PVT1: variants seen among roughly 807,000 people sequenced by gnomAD.
The protein encoded by PVT1 is CXCR4/PVT1 fusion.
intron 2 of PVT1, among the ~76,000 whole-genome samples, chr8:127,833,010 C>G (rs577844814): frequency 6.6e-6 from 1 of 152,022 alleles, no homozygotes; most frequent in Non-Finnish European, 1.5e-5. Context: ...AAACAAGAAA[C>G]CTTTGAGAGG....
At chr8:127,925,635 G>GT (rs1351467823) in intron 3 of PVT1, among the ~76,000 whole-genome samples, 2 of 80,022 alleles carry the variant, frequency 2.5e-5, no homozygotes, top group African/African-American at 7.7e-5. Context: ...AATTTTAGAG[G>GT]TTTTTTGTTT....
chr8:128,018,514 A>G, intron 4 of PVT1, among the ~76,000 whole-genome samples: 1 of 152,254 alleles, frequency 6.6e-6, no homozygotes, highest in East Asian at 1.9e-4. Context: ...AAACAATCAC[A>G]GAGGAAAAGA....
chr8:127,945,956 A>C (rs1345021982), intron 3 of PVT1, among the ~76,000 whole-genome samples: 1 of 152,178 alleles, frequency 6.6e-6, no homozygotes, highest in East Asian at 1.9e-4. Context: ...GTAATAAAGG[A>C]CTAAAGCTAC....
chr8:127,973,181 C>T (rs1816782974), intron 3 of PVT1, among the ~76,000 whole-genome samples: 1 of 152,158 alleles, frequency 6.6e-6, no homozygotes, highest in African/African-American at 2.4e-5. Flanking sequence ...CAGGTGTGGG[C>T]CACCATGCCT....
At chr8:128,006,567 C>T (rs4535708) in intron 4 of PVT1, among the ~76,000 whole-genome samples, 127,229 of 152,186 alleles carry the variant, frequency 0.84, 53,344 homozygotes, top group East Asian at 0.89. Flanking sequence ...TTTCTCATCA[C>T]ACTTTCACCA....
chr8:127,908,165 G>A (rs1815845716), intron 3 of PVT1, among the ~76,000 whole-genome samples: 1 of 152,004 alleles, frequency 6.6e-6, no homozygotes, highest in African/African-American at 2.4e-5. Context: ...ATATGGCACA[G>A]CTCCACAAAA....
At chr8:127,899,296 A>G (rs918628275) in intron 3 of PVT1, among the ~76,000 whole-genome samples, 1 of 152,206 alleles carries the variant, frequency 6.6e-6, no homozygotes, top group Non-Finnish European at 1.5e-5. Flanking sequence ...TGTTATTGTG[A>G]AAGTGAGATG....
chr8:127,823,075 T>C (rs1814750584), intron 2 of PVT1, among the ~76,000 whole-genome samples: 1 of 152,184 alleles, frequency 6.6e-6, no homozygotes, highest in African/African-American at 2.4e-5. Context: ...TATTTTTCAT[T>C]GTTGTTGTTA....
chr8:127,995,816 A>G lies in PVT1; in HGVS notation n.912+6525A>G, dbSNP rs1817097882. Among the ~76,000 whole-genome samples the G allele has an allele frequency of 2.0e-5, 3 of 152,240 alleles. No homozygotes were observed. The South Asian group carries it at 6.2e-4, about 32-fold the overall frequency. ...GGAAATGGAAATGATTACGTAATAT[A>G]CTCCAGTTTGCAAATGAAGGAATCT... On this transcript the variant is annotated intron_variant and non_coding_transcript_variant, in intron 4 of 10. Coordinates refer to ENST00000651587, the Ensembl canonical transcript of PVT1.
intron 4 of PVT1, among the ~76,000 whole-genome samples, chr8:128,020,921 C>T (rs2130053408): frequency 6.6e-6 from 1 of 152,316 alleles, no homozygotes; most frequent in East Asian, 1.9e-4. Flanking sequence ...TGCCCTGCTG[C>T]TCCTGAATGA....
chr8:127,858,805 C>CT (rs35886687), intron 2 of PVT1, among the ~76,000 whole-genome samples: 1,537 of 47,276 alleles, frequency 0.033, 467 homozygotes, highest in African/African-American at 0.077. Context: ...CTTGAAGATT[C>CT]TTTTTTTTTT....
At chr8:127,927,980 T>C (rs1367598765) in intron 3 of PVT1, among the ~76,000 whole-genome samples, 1 of 152,240 alleles carries the variant, frequency 6.6e-6, no homozygotes, top group Non-Finnish European at 1.5e-5. Flanking sequence ...TCGTCCCCTC[T>C]GGCTGCCTTG....
chr8:127,952,989 C>T (rs1386459057), intron 3 of PVT1, among the ~76,000 whole-genome samples: 3 of 152,092 alleles, frequency 2.0e-5, no homozygotes, highest in African/African-American at 4.8e-5. Flanking sequence ...TGGTCTCGAT[C>T]TCCTGCCCTC....
chr8:127,934,233 A>T (rs1816245297), intron 3 of PVT1, among the ~76,000 whole-genome samples: 1 of 152,190 alleles, frequency 6.6e-6, no homozygotes, highest in Non-Finnish European at 1.5e-5. Flanking sequence ...TTTTTGGGGG[A>T]AGGATGCTGC....
chr8:127,961,419 T>G (rs7004509), intron 3 of PVT1, among the ~76,000 whole-genome samples: 70,189 of 152,000 alleles, frequency 0.46, 16,568 homozygotes, highest in African/African-American at 0.49. Flanking sequence ...TGTTCTTTTC[T>G]GTGTCCAGCT....
At chr8:127,817,514 G>GATTAAATATATTAAATAGATTAA (rs1814677756) in intron 2 of PVT1, among the ~76,000 whole-genome samples, 19 of 82,744 alleles carry the variant, frequency 2.3e-4, no homozygotes, top group Admixed American at 5.0e-4. Flanking sequence ...TATTTAAATA[G>GATTAAATATATTAAATAGATTAA]ATATATCTAT....
chr8:128,064,193 A>G (rs910237370), intron 4 of PVT1, among the ~76,000 whole-genome samples: 8 of 152,210 alleles, frequency 5.3e-5, no homozygotes, highest in African/African-American at 1.9e-4. Context: ...TATGCTAGAA[A>G]TATTAACTCC....
At chr8:128,070,236 C>T (rs114965164) in exon 5 of PVT1, 21 of 152,604 alleles carry the variant, frequency 1.4e-4, no homozygotes, top group African/African-American at 5.1e-4. Flanking sequence ...TAGATCCTGC[C>T]CTGTTTGCTT....
intron 3 of PVT1, among the ~76,000 whole-genome samples, chr8:127,910,243 G>GC (rs1815878231): frequency 6.6e-6 from 1 of 152,176 alleles, no homozygotes; most frequent in South Asian, 2.1e-4. Context: ...GGAGATGGAA[G>GC]CGGGGGCAGT....
Sources: allele counts gnomAD v4.1 joint callset (sites outside exome capture counted in the v4.1 genomes callset), GRCh38; gene constraint gnomAD v4.1.1; transcripts MANE v1.5; gene names NCBI Gene and HGNC (gene_info 2026-07-23, HGNC 2026-07-21).